Variants in CLASP1 observed in about 807,000 individuals in gnomAD.
The protein encoded by CLASP1 is CLIP-associating protein 1.
In CLASP1, 38 loss-of-function variants were observed where a neutral mutation model predicts 192.3. The observed-to-expected ratio is 0.20, with a 90% CI of 0.15 to 0.26. The LOEUF is 0.26. CLASP1 is among the 10% of genes least tolerant of loss of function. CLASP1 has a pLI of 1.00. For missense variants in CLASP1, 1,433 were observed against 1,932.5 expected (o/e 0.74, Z 4.85); for synonymous variants, 691 against 712.8 (o/e 0.97, Z 0.49).
intron 21 of CLASP1, among the ~76,000 whole-genome samples, chr2:121,426,134 G>A (rs1436612129): frequency 6.6e-6 from 1 of 152,080 alleles, no homozygotes; most frequent in Non-Finnish European, 1.5e-5. Context: ...AACAGAGCAA[G>A]ACCCTGTCTC....
At chr2:121,448,466 TA>T in intron 17 of CLASP1, 141 bp from the exon 18 acceptor site, 1 of 727,348 alleles carries the variant, frequency 1.4e-6, no homozygotes, top group Non-Finnish European at 2.3e-6. Context: ...CACAATGTTG[TA>T]AACTCCCTGA....
intron 8 of CLASP1, among the ~76,000 whole-genome samples, chr2:121,487,686 G>A (rs1013545778): frequency 6.6e-6 from 1 of 152,146 alleles, no homozygotes; most frequent in Non-Finnish European, 1.5e-5. Context: ...AGACCACAGA[G>A]GTAAAATGCC....
At chr2:121,496,217 G>C (rs1458464201) in intron 8 of CLASP1, among the ~76,000 whole-genome samples, 2 of 152,196 alleles carry the variant, frequency 1.3e-5, no homozygotes, top group African/African-American at 2.4e-5. Flanking sequence ...GCTGAGTATA[G>C]GCTGCTAAAT....
At chr2:121,604,470 A>ACCAG (rs2064174676) in intron 2 of CLASP1, among the ~76,000 whole-genome samples, 1 of 152,056 alleles carries the variant, frequency 6.6e-6, no homozygotes, top group Non-Finnish European at 1.5e-5. Context: ...GGAGTTCAAG[A>ACCAG]CCAGCCCGGG....
chr2:121,530,197 G>C, intron 3 of CLASP1, 50 bp downstream of exon 3: 2 of 1,490,080 alleles, frequency 1.3e-6, no homozygotes, highest in Non-Finnish European at 1.8e-6. Context: ...GCCGAGGGAA[G>C]GCTGGGGGTC....
At chr2:121,614,234 G>A (rs778136310) in intron 1 of CLASP1, among the ~76,000 whole-genome samples, 5 of 152,174 alleles carry the variant, frequency 3.3e-5, no homozygotes, top group Non-Finnish European at 5.9e-5. Flanking sequence ...GGTGGCTCAC[G>A]CCTATAATCC....
chr2:121,397,130 T>C lies in CLASP1; in HGVS notation c.3123+10A>G, dbSNP rs765776484. On this transcript the variant is annotated intron_variant, in intron 30 of 39. Transcript: ENST00000263710. ...AATCTGTAATTACACGTCGGTTCTC[T>C]TGGACATACCTTTCTCACGTCTGAA... The C allele has an allele frequency of 6.2e-7, 1 of 1,613,450 alleles. No homozygotes were observed. The highest frequency in any genetic ancestry group is 8.5e-7 in the Non-Finnish European group (1 of 1,179,458).
intron 2 of CLASP1, among the ~76,000 whole-genome samples, chr2:121,599,186 G>T (rs557424081): frequency 1.3e-5 from 2 of 151,420 alleles, no homozygotes; most frequent in Non-Finnish European, 1.5e-5. Context: ...ATAAGCCATT[G>T]AGCTGACATT....
chr2:121,381,680 G>A (rs1159493346), intron 33 of CLASP1, among the ~76,000 whole-genome samples: 1 of 152,140 alleles, frequency 6.6e-6, no homozygotes, highest in East Asian at 1.9e-4. Flanking sequence ...CAGTTATCCT[G>A]CCTCTTGGGG....
At chr2:121,402,036 C>T (rs960704775) in intron 26 of CLASP1, among the ~76,000 whole-genome samples, 166 bp from the exon 28 acceptor site, 1 of 152,116 alleles carries the variant, frequency 6.6e-6, no homozygotes, top group Non-Finnish European at 1.5e-5. Context: ...AAAAGCAGTA[C>T]AGAGAGAAAT....
intron 8 of CLASP1, among the ~76,000 whole-genome samples, chr2:121,502,810 G>A (rs1170699967): frequency 6.6e-6 from 1 of 152,124 alleles, no homozygotes; most frequent in Non-Finnish European, 1.5e-5. Flanking sequence ...TTTAGGCATG[G>A]GGAAACAGTA....
chr2:121,354,039 A>C (rs1367144993), intron 37 of CLASP1, among the ~76,000 whole-genome samples: 1 of 152,208 alleles, frequency 6.6e-6, no homozygotes, highest in Non-Finnish European at 1.5e-5. Flanking sequence ...TCAGCCTCCC[A>C]AAATGCTGGG....
intron 39 of CLASP1, among the ~76,000 whole-genome samples, chr2:121,344,246 A>C (rs1373336876): frequency 1.3e-5 from 2 of 152,168 alleles, no homozygotes; most frequent in African/African-American, 4.8e-5. Context: ...GCATCTCTCC[A>C]AATGTACTAC....
chr2:121,534,719 G>C (rs1237704721), intron 2 of CLASP1, among the ~76,000 whole-genome samples: 1 of 151,954 alleles, frequency 6.6e-6, no homozygotes, highest in Non-Finnish European at 1.5e-5. Context: ...GTAGAGACGG[G>C]GTTTTATCAT....
intron 2 of CLASP1, among the ~76,000 whole-genome samples, chr2:121,605,360 C>G (rs2064300460): frequency 6.6e-6 from 1 of 152,208 alleles, no homozygotes; most frequent in Non-Finnish European, 1.5e-5. Context: ...AAGGGCAACT[C>G]ACCAAGGTCT....
In CLASP1 at chr2:121,429,549, C is replaced by T. The variant is rs114004671; in HGVS notation, c.2017+524G>A. Among the ~76,000 whole-genome samples, 750 of 152,326 alleles carry T rather than the reference C, an allele frequency of 4.9e-3. 9 individuals are homozygous for T. The highest frequency in any genetic ancestry group is 0.017 in the African/African-American group (727 of 41,562). On this transcript the variant is annotated intron_variant, in intron 20 of 39. Transcript: ENST00000263710. ...TGGCTAAGGCTAACAAACCAACTGA[C>T]TTCACATATACAGAGACGCAATCAT...
chr2:121,530,775 G>A (rs1225664906), intron 2 of CLASP1: 3 of 561,446 alleles, frequency 5.3e-6, no homozygotes, highest in South Asian at 2.2e-5. Context: ...GGAGGCTGGA[G>A]GTAAGCTAGC....
chr2:121,448,034 G>C (rs1004308578), intron 18 of CLASP1, among the ~76,000 whole-genome samples: 4 of 152,234 alleles, frequency 2.6e-5, no homozygotes, highest in Non-Finnish European at 5.9e-5. Flanking sequence ...AGGGGAGGTG[G>C]AGAGAAAAGG....
At chr2:121,536,104 G>C (rs1359397609) in intron 2 of CLASP1, among the ~76,000 whole-genome samples, 1 of 151,862 alleles carries the variant, frequency 6.6e-6, no homozygotes, top group African/African-American at 2.4e-5. Context: ...GATTAGGGCT[G>C]GGCACAGTGG....
Sources: allele counts gnomAD v4.1 joint callset (sites outside exome capture counted in the v4.1 genomes callset), GRCh38; gene constraint gnomAD v4.1.1; transcripts MANE v1.5; gene names NCBI Gene and HGNC (gene_info 2026-07-23, HGNC 2026-07-21).